The following ANK2 variants were observed in gnomAD, a reference collection of about 807,000 sequenced individuals.
ANK2 encodes ankyrin 2, also known as ankyrin-2.
A neutral mutation model predicts 360.5 loss-of-function variants in ANK2; 83 were observed. The ratio of observed to expected loss-of-function variants is 0.23; its 90% CI spans 0.19 to 0.28. ANK2 has a LOEUF of 0.28. Among genes scored for constraint, ANK2 ranks in the 10% least tolerant of loss-of-function variants. The pLI, the probability that ANK2 is intolerant of heterozygous loss-of-function variation, is 1.00. For missense variants in ANK2, 4,201 were observed against 4,795.7 expected (o/e 0.88, Z 3.66); for synonymous variants, 1,740 against 1,759.5 (o/e 0.99, Z 0.28).
rs1406359399 is a variant in ANK2 at position 113,258,254 on chromosome 4, A to G, written c.1288-59A>G. 5 of 1,589,774 alleles carry G rather than the reference A, an allele frequency of 3.1e-6. No individual in the cohort carries two copies. The South Asian group carries it at 4.4e-5, about 14-fold the overall frequency. ...CTTCACTCAAGTTTTATTTATCTGA[A>G]GAAGCCCCAAAGCCCCACCGGTGCA... On this transcript the variant is annotated intron_variant, in intron 12 of 45. Coordinates refer to ENST00000357077, the MANE Select transcript of ANK2 (RefSeq NM_001148.6).
intron 2 of ANK2, among the ~76,000 whole-genome samples, chr4:112,952,272 T>C (rs2095071871): frequency 6.6e-6 from 1 of 152,250 alleles, no homozygotes; most frequent in African/African-American, 2.4e-5. Flanking sequence ...GTAGTAAATG[T>C]AGTAAAATAA....
At chr4:112,724,360 C>T in the ANK2 span, among the ~76,000 whole-genome samples, 5 of 152,160 alleles carry the variant, frequency 3.3e-5, no homozygotes, top group African/African-American at 4.8e-5. Flanking sequence ...CCACCATGCC[C>T]GGCCAGAAAA....
intron 4 of ANK2, among the ~76,000 whole-genome samples, chr4:113,212,203 G>A (rs982108824): frequency 9.2e-5 from 14 of 152,156 alleles, no homozygotes; most frequent in African/African-American, 3.4e-4. Flanking sequence ...ATTCTTGAAA[G>A]ATGAAAATTG....
chr4:113,224,664 G>A (rs1289304386), intron 4 of ANK2, among the ~76,000 whole-genome samples: 2 of 152,084 alleles, frequency 1.3e-5, no homozygotes, highest in African/African-American at 4.8e-5. Context: ...AATAAAATGA[G>A]TAGTTTACAC....
At chr4:112,837,230 G>A (rs1421115072) in intron 1 of ANK2, among the ~76,000 whole-genome samples, 1 of 152,238 alleles carries the variant, frequency 6.6e-6, no homozygotes, top group Non-Finnish European at 1.5e-5. Flanking sequence ...GCTTCAGAGG[G>A]TGTAAGCCCC....
chr4:112,905,799 C>T (rs2084981398), intron 2 of ANK2, among the ~76,000 whole-genome samples: 1 of 152,014 alleles, frequency 6.6e-6, no homozygotes, highest in African/African-American at 2.4e-5. Flanking sequence ...GTAGCTGGAA[C>T]TACAGACTTG....
intron 23 of ANK2, among the ~76,000 whole-genome samples, chr4:113,303,781 T>C (rs2076024689): frequency 6.6e-6 from 1 of 152,196 alleles, no homozygotes; most frequent in Non-Finnish European, 1.5e-5. Context: ...TGAACATGAT[T>C]GAAAAATTAC....
intron 2 of ANK2, among the ~76,000 whole-genome samples, chr4:113,189,617 G>T (rs905181392): frequency 6.6e-6 from 1 of 152,078 alleles, no homozygotes; most frequent in African/African-American, 2.4e-5. Context: ...TTCTTTACTT[G>T]TGCCTCATTA....
At chr4:112,968,979 A>G (rs1039836920) in intron 2 of ANK2, among the ~76,000 whole-genome samples, 1 of 152,172 alleles carries the variant, frequency 6.6e-6, no homozygotes, top group Non-Finnish European at 1.5e-5. Context: ...AAAATTACAC[A>G]TCAGAATTAT....
intron 1 of ANK2, among the ~76,000 whole-genome samples, chr4:112,876,061 G>A (rs184691433): frequency 8.7e-4 from 132 of 151,392 alleles, no homozygotes; most frequent in Middle Eastern, 3.4e-3. Context: ...GGTATATTTC[G>A]GATTTTTTTT....
Position 113,357,057 on chromosome 4 carries a change from T to C in ANK2, c.8439T>C (p.Ala2813=), listed in dbSNP as rs759180308. 17 of 1,613,830 alleles carry C rather than the reference T, an allele frequency of 1.1e-5. 1 individual carries two copies. In the South Asian group the frequency reaches 1.6e-4, roughly 16 times the overall value. Residue 2813 remains alanine (A), a synonymous_variant, in exon 38 of 46, where the codon GCT becomes GCC. Transcript: ENST00000357077. ...EQPVIYKESL[A]LQGTHEKDTE... Reference sequence around the variant, plus strand: ...CAGTCATCTATAAAGAATCATTAGCTCTCCAAGGCACTCATGAAAAAGACA... The same window carrying C: ...CAGTCATCTATAAAGAATCATTAGCCCTCCAAGGCACTCATGAAAAAGACA...
chr4:113,036,358 A>G (rs552789845), intron 2 of ANK2, among the ~76,000 whole-genome samples: 1 of 152,058 alleles, frequency 6.6e-6, no homozygotes, highest in Non-Finnish European at 1.5e-5. Flanking sequence ...AAGTAATCAC[A>G]CATTTGAAGA....
intron 1 of ANK2, among the ~76,000 whole-genome samples, chr4:112,834,327 T>G (rs1305884714): frequency 6.6e-6 from 1 of 152,206 alleles, no homozygotes; most frequent in East Asian, 1.9e-4. Flanking sequence ...AATGATATGT[T>G]CTCTGACGTT....
At chr4:113,244,829 T>C (rs2041978431) in intron 9 of ANK2, among the ~76,000 whole-genome samples, 2 of 152,262 alleles carry the variant, frequency 1.3e-5, no homozygotes, top group Middle Eastern at 3.4e-3. Flanking sequence ...TGTGTTCTCA[T>C]TGTTCAACTC....
intron 1 of ANK2, among the ~76,000 whole-genome samples, chr4:112,831,989 T>C (rs2059871514): frequency 6.6e-6 from 1 of 152,116 alleles, no homozygotes; most frequent in Non-Finnish European, 1.5e-5. Flanking sequence ...CGCACCATCT[T>C]TAAGAACTGT....
intron 15 of ANK2, among the ~76,000 whole-genome samples, chr4:113,275,739 C>T (rs1167011598): frequency 6.7e-6 from 1 of 148,408 alleles, no homozygotes; most frequent in African/African-American, 2.5e-5. Context: ...AACTAAGCAA[C>T]AAATGTAGTA....
At chr4:113,314,079 A>G (rs2081515780) in intron 24 of ANK2, among the ~76,000 whole-genome samples, 1 of 152,226 alleles carries the variant, frequency 6.6e-6, no homozygotes, top group Non-Finnish European at 1.5e-5. Context: ...TGCCTAAAAT[A>G]TGCATAGATA....
intron 1 of ANK2, among the ~76,000 whole-genome samples, chr4:113,169,685 A>G (rs980519027): frequency 1.5e-4 from 23 of 152,280 alleles, no homozygotes; most frequent in Non-Finnish European, 2.6e-4. Flanking sequence ...CTCAAACTTG[A>G]ATAGTCTATT....
chr4:112,900,482 A>G (rs2150844375), intron 1 of ANK2, among the ~76,000 whole-genome samples: 1 of 152,250 alleles, frequency 6.6e-6, no homozygotes, highest in Non-Finnish European at 1.5e-5. Flanking sequence ...ATGGTAAGTG[A>G]TGATCTGCAT....
Sources: gnomAD v4.1 joint callset for allele counts (sites outside exome capture counted in the v4.1 genomes callset) on GRCh38, gnomAD v4.1.1 for gene constraint, MANE v1.5 for transcripts, NCBI Gene and HGNC (gene_info 2026-07-23, HGNC 2026-07-21) for gene names.